The following PHLPP1 variants were observed in gnomAD, a reference collection of about 807,000 sequenced individuals.
The protein encoded by PHLPP1 is PH domain leucine-rich repeat-containing protein phosphatase 1.
A neutral mutation model predicts 117.2 loss-of-function variants in PHLPP1; 42 were observed. The observed-to-expected ratio is 0.36, with a 90% confidence interval of 0.28 to 0.46. PHLPP1 has a LOEUF of 0.46. Ranked by LOEUF, PHLPP1 falls within the 20% of genes least tolerant of loss-of-function variation. PHLPP1 has a pLI of 1.00. For missense variants in PHLPP1, 2,084 were observed against 2,241.9 expected (o/e 0.93, Z 1.42); for synonymous variants, 1,042 against 970.7 (o/e 1.07, Z -1.37).
At chr18:62,752,039 T>A (rs1014418732) in intron 1 of PHLPP1, among the ~76,000 whole-genome samples, 2 of 152,326 alleles carry the variant, frequency 1.3e-5, no homozygotes, top group East Asian at 3.9e-4. Context: ...TTACAGTGAA[T>A]GTATTTTAAA....
rs1916503780 is a variant in PHLPP1 at position 62,894,456 on chromosome 18, CA to C, written c.2067-552del. The stretch of plus-strand genomic sequence containing the variant: ...AAGTGATCCACTCATCTCGGCTTCT[CA>C]AAGTGCTAGGATTACAGGCCTGAGC... On this transcript the variant is annotated intron_variant, in intron 4 of 16. Transcript: ENST00000262719. 7.2e-5 allele frequency among the ~76,000 whole-genome samples: 11 copies of C among 152,262 alleles called. No homozygotes were observed. In the South Asian group the frequency reaches 2.3e-3, roughly 32 times the overall value.
intron 1 of PHLPP1, among the ~76,000 whole-genome samples, chr18:62,793,858 A>G (rs1913539006): frequency 6.6e-6 from 1 of 152,130 alleles, no homozygotes; most frequent in Non-Finnish European, 1.5e-5. Context: ...ATGTTTCTCA[A>G]ACTGGGGTCT....
At chr18:62,743,388 C>G (rs977329340) in intron 1 of PHLPP1, among the ~76,000 whole-genome samples, 1 of 151,676 alleles carries the variant, frequency 6.6e-6, no homozygotes, top group African/African-American at 2.4e-5. Flanking sequence ...TAATCATTAC[C>G]CAGCATCAGC....
intron 1 of PHLPP1, among the ~76,000 whole-genome samples, chr18:62,820,370 T>C (rs1914415467): frequency 6.6e-6 from 1 of 152,260 alleles, no homozygotes; most frequent in African/African-American, 2.4e-5. Context: ...TAATGCACTC[T>C]GCAATAGCAA....
At chr18:62,929,369 G>A (rs560254330) in intron 10 of PHLPP1, among the ~76,000 whole-genome samples, 2 of 152,252 alleles carry the variant, frequency 1.3e-5, no homozygotes, top group South Asian at 2.1e-4. Flanking sequence ...TTATAAATAT[G>A]TAAGAGTTAA....
chr18:62,840,393 C>T lies in PHLPP1; in HGVS notation c.1899+1484C>T, dbSNP rs1475764174. On this transcript the variant is annotated intron_variant, in intron 3 of 16. Transcript: ENST00000262719. Reference sequence around the variant, plus strand: ...GCAGGGAAAAGTAGGGAAGAGGACCCTTGTCCTTCAGATTCACATGTAGAA... The same window carrying T: ...GCAGGGAAAAGTAGGGAAGAGGACCTTTGTCCTTCAGATTCACATGTAGAA... Among the ~76,000 whole-genome samples the T allele has an allele frequency of 2.6e-5, 4 of 152,268 alleles. No homozygotes were observed. In the East Asian group the frequency reaches 5.8e-4, roughly 22 times the overall value.
At chr18:62,893,598 A>G (rs1349298739) in intron 4 of PHLPP1, among the ~76,000 whole-genome samples, 1 of 152,228 alleles carries the variant, frequency 6.6e-6, no homozygotes, top group Non-Finnish European at 1.5e-5. Flanking sequence ...AATACAGCTT[A>G]ACATATACTG....
In PHLPP1 at chr18:62,715,890, G is replaced by A; in HGVS notation, c.207G>A (p.Gly69=). 1.1e-6 allele frequency: 1 copy of A among 876,216 alleles called. No homozygotes were observed. The allele number at this position is 876,216 out of a possible 1,614,324, so 54.3% of individuals were successfully genotyped here. A position where few individuals can be genotyped will look rare whatever the true frequency, so the allele number is the denominator to read the frequency against. The change falls in exon 1 of 17, where the codon GGG becomes GGA. Residue 69 remains glycine (G), a synonymous_variant. Transcript: ENST00000262719. ...GCGGCGGGAACGGCAGCGGCAGCGG[G>A]GCGCGGGAAGAGGCCCCAGGCGAGG... ...APSGGNGSGS[G]AREEAPGEAP...
rs140905742 is a variant in PHLPP1, at chr18:62,898,593, A to G, written c.2444+2582A>G. On this transcript the variant is annotated intron_variant, in intron 6 of 16. Transcript: ENST00000262719. ...GTGAGTCATTTGAGGATGAGGCTCTATCTCTGAGCTGCTCATGTGTGGGCC... is the reference window on the plus strand; with the variant it reads ...GTGAGTCATTTGAGGATGAGGCTCTGTCTCTGAGCTGCTCATGTGTGGGCC... Among the ~76,000 whole-genome samples the G allele has an allele frequency of 2.2e-4, 34 of 152,244 alleles. No homozygotes were observed. In the East Asian group the frequency reaches 6.4e-3, roughly 29 times the overall value.
At chr18:62,916,605 G>GGGGTGTGTGTGTGTGTGTGTGTGT (rs1555681660) in intron 9 of PHLPP1, among the ~76,000 whole-genome samples, 5 of 145,846 alleles carry the variant, frequency 3.4e-5, no homozygotes, top group African/African-American at 1.0e-4. Flanking sequence ...CAAGAGGGTG[G>GGGGTGTGTGTGTGTGTGTGTGTGT]GTGTGTGTGT....
chr18:62,961,493 C>A (rs2144479608), intron 13 of PHLPP1, among the ~76,000 whole-genome samples: 1 of 151,874 alleles, frequency 6.6e-6, no homozygotes, highest in South Asian at 2.1e-4. Flanking sequence ...GGAATTATTT[C>A]TCTGAAGACT....
intron 1 of PHLPP1, among the ~76,000 whole-genome samples, chr18:62,768,139 T>C (rs1323041527): frequency 1.3e-5 from 2 of 152,182 alleles, no homozygotes; most frequent in Admixed American, 6.5e-5. Flanking sequence ...TTAGAAACTA[T>C]CCAGAGAAGT....
intron 14 of PHLPP1, among the ~76,000 whole-genome samples, chr18:62,971,835 G>A (rs1012048344): frequency 2.6e-5 from 4 of 152,054 alleles, no homozygotes; most frequent in African/African-American, 9.7e-5. Context: ...TCAGGAGTTC[G>A]AGACCAGCCT....
chr18:62,850,636 C>T (rs2144352449), intron 3 of PHLPP1, among the ~76,000 whole-genome samples: 1 of 152,196 alleles, frequency 6.6e-6, no homozygotes, highest in East Asian at 1.9e-4. Flanking sequence ...ACTCTGAGTT[C>T]AGATTTGATC....
intron 3 of PHLPP1, among the ~76,000 whole-genome samples, chr18:62,840,196 T>G (rs1435267962): frequency 3.9e-5 from 6 of 152,342 alleles, no homozygotes; most frequent in Non-Finnish European, 7.3e-5. Flanking sequence ...TGGCCACATT[T>G]GAATTACCAG....
rs1223647537 is a variant in PHLPP1 at position 62,715,663 on chromosome 18, G to T, written c.-21G>T. On this transcript the variant is annotated 5_prime_UTR_variant, in exon 1 of 17. Coordinates refer to ENST00000262719, the MANE Select transcript of PHLPP1 (RefSeq NM_194449.4). ...GCCCGCTGCCTCCGGAGCTGGGGGG[G>T]AAACGCGAAGCCCCACTGCAATGGA... 54 of 1,269,040 alleles carry T rather than the reference G, an allele frequency of 4.3e-5. No individual in the cohort carries two copies. Among genetic ancestry groups the T allele is most frequent in the Admixed American group, 1.2e-4 (3 of 25,582 alleles). 78.6% of individuals were successfully genotyped at this position (1,269,040 alleles called of 1,614,324 possible).
intron 1 of PHLPP1, among the ~76,000 whole-genome samples, chr18:62,783,150 T>TAAA (rs1420812535): frequency 8.1e-6 from 1 of 123,388 alleles, no homozygotes; most frequent in Non-Finnish European, 1.6e-5. Context: ...TTCAGAGTTT[T>TAAA]AAAAAAAAAA....
intron 1 of PHLPP1, among the ~76,000 whole-genome samples, chr18:62,823,758 G>T (rs887836315): frequency 1.3e-5 from 2 of 152,004 alleles, no homozygotes; most frequent in Admixed American, 1.3e-4. Flanking sequence ...ACAAACTTGC[G>T]AGAAGATGAT....
intron 1 of PHLPP1, among the ~76,000 whole-genome samples, chr18:62,816,629 G>A (rs997916282): frequency 6.6e-6 from 1 of 152,226 alleles, no homozygotes; most frequent in African/African-American, 2.4e-5. Flanking sequence ...ACTTTATGCA[G>A]TGGTGGGTAT....
Sources: gnomAD v4.1 joint callset for allele counts (sites outside exome capture counted in the v4.1 genomes callset) on GRCh38, gnomAD v4.1.1 for gene constraint, MANE v1.5 for transcripts, NCBI Gene and HGNC (gene_info 2026-07-23, HGNC 2026-07-21) for gene names.